Variants in SEC14L4 observed in about 807,000 individuals in gnomAD.
The protein encoded by SEC14L4 is SEC14-like protein 4.
A neutral mutation model predicts 55.1 loss-of-function variants in SEC14L4; 42 were observed. The observed-to-expected ratio is 0.76, with a 90% CI of 0.60 to 0.99. The LOEUF is 0.99. SEC14L4 is among the 50% of genes least tolerant of loss of function. The probability of loss-of-function intolerance (pLI) is 0.00; values close to 1 mark genes in which losing one functional copy is unlikely to be tolerated. For missense variants in SEC14L4, 445 were observed against 512.1 expected, an observed-to-expected ratio of 0.87 and a Z score of 1.27; for synonymous variants, 206 against 206.8, an observed-to-expected ratio of 1.00 and a Z score of 0.03.
intron 11 of SEC14L4, 177 bp downstream of exon 11, chr22:30,491,396 C>T: frequency 1.5e-6 from 1 of 685,176 alleles, no homozygotes; most frequent in South Asian, 1.9e-5. Context: ...TCTTCCCCCA[C>T]AATGAATCTC....
chr22:30,493,478 C>T (rs895315763), intron 7 of SEC14L4, among the ~76,000 whole-genome samples: 4 of 152,172 alleles, frequency 2.6e-5, no homozygotes, highest in Non-Finnish European at 5.9e-5. Context: ...AGATTTGAAC[C>T]AGATCCTCTG....
At chr22:30,504,571 T>C (rs566825761) in intron 1 of SEC14L4, among the ~76,000 whole-genome samples, 6 of 152,306 alleles carry the variant, frequency 3.9e-5, no homozygotes, top group African/African-American at 1.4e-4. Context: ...TTAGCAGGCT[T>C]GGCTCCGAGC....
rs1936110291 is a variant in SEC14L4 at position 30,495,380 on chromosome 22, G to A, written c.297C>T (p.Tyr99=). The A allele has an allele frequency of 3.1e-6, 5 of 1,613,946 alleles. No homozygotes were observed. Among genetic ancestry groups the A allele is most frequent in the Non-Finnish European group, 8.5e-7 (1 of 1,180,004 alleles). ...GGTCGAGGGACCCAATGATGTTGAA[G>A]TACACAGGGCAGCCTTCGTAGTCGT... The part of the protein sequence containing the change: ...CGYDYEGCPV[Y]FNIIGSLDPK... Residue 99 remains tyrosine (Y), a synonymous_variant, in exon 5 of 12, where the codon TAC becomes TAT. Coordinates refer to ENST00000255858, the MANE Select transcript of SEC14L4 (RefSeq NM_174977.4).
At position 30,495,235 on chromosome 22, in the gene SEC14L4, C is replaced by G. The variant is rs749183198; in HGVS notation, c.423+19G>C. On this transcript the variant is annotated intron_variant, in intron 5 of 11. Transcript: ENST00000255858. ...CACCCTGTAGACAGATGAGGCCCAG[C>G]CCCACCCCCGCTGCTCACCTTCTGA... The G allele has an allele frequency of 9.5e-6, 15 of 1,583,636 alleles. No individual in the cohort carries two copies. The highest frequency in any genetic ancestry group is 1.0e-5 in the Non-Finnish European group (12 of 1,165,880).
intron 7 of SEC14L4, among the ~76,000 whole-genome samples, chr22:30,493,923 G>T (rs1191445768): frequency 1.8e-4 from 27 of 152,186 alleles, no homozygotes; most frequent in Admixed American, 1.8e-3. Flanking sequence ...AGAATTGCTT[G>T]AACCCAGGAG....
chr22:30,494,168 T>C lies in SEC14L4; in HGVS notation c.562A>G (p.Asn188Asp), dbSNP rs759526206. The stretch of plus-strand genomic sequence containing the variant: ...GGCTTACCTCGAATAACAATTAAAT[T>C]CTTCAGGGTCTCAGGATAATTTGCT... Reference protein sequence around the residue: ...LEANYPETLKNLIVIRAPKLF... With the variant: ...LEANYPETLKDLIVIRAPKLF... The change falls in exon 7 of 12, where the codon AAT becomes GAT. Residue 188 changes from asparagine to aspartate, a missense_variant. Physicochemically the swap from Asn to Asp is conservative, Grantham distance 23. Transcript: ENST00000255858. The C allele has an allele frequency of 1.2e-6, 2 of 1,613,672 alleles. No individual in the cohort carries two copies. The highest frequency in any genetic ancestry group is 2.2e-5 in the South Asian group (2 of 91,062).
Position 30,491,723 on chromosome 22 carries a change from C to T in SEC14L4, c.931G>A (p.Gly311Ser), listed in dbSNP as rs1233721216. The T allele has an allele frequency of 1.9e-6, 3 of 1,614,184 alleles. No individual in the cohort carries two copies. The highest frequency in any genetic ancestry group is 3.3e-5 in the Admixed American group (2 of 60,022). Residue 311 changes from glycine (G) to serine (S), a missense_variant, in exon 11 of 12, where the codon GGT becomes AGT. Physicochemically the swap from Gly to Ser is moderately conservative, Grantham distance 56. Coordinates refer to ENST00000255858, the MANE Select transcript of SEC14L4 (RefSeq NM_174977.4). ...CVLRWQFASD[G>S]GDIGFGVFLK... ...AAAACCCCAAAGCCGATGTCCCCAC[C>T]ATCTGAAGCAAACTGCCACCTGCAG...
Position 30,491,945 on chromosome 22 carries a change from C to T in SEC14L4, c.800G>A (p.Ser267Asn), listed in dbSNP as rs775330340. The change falls in exon 10 of 12, where the codon AGC becomes AAC. Residue 267 changes from serine (S) to asparagine (N), a missense_variant. Coordinates refer to ENST00000255858, the MANE Select transcript of SEC14L4 (RefSeq NM_174977.4). ...KINYGGEVPK[S>N]YYLCEQVRLQ... ...CCTCACCTGCTCGCACAGGTAGTAGCTCTTGGGCACCTCACCCCCATAGTT... is the reference window on the plus strand; with the variant it reads ...CCTCACCTGCTCGCACAGGTAGTAGTTCTTGGGCACCTCACCCCCATAGTT... 5.6e-6 allele frequency: 9 copies of T among 1,614,012 alleles called. No individual in the cohort carries two copies. In the Admixed American group the frequency reaches 1.3e-4, roughly 24 times the overall value.
In SEC14L4 at chr22:30,502,289, C is replaced by A. The variant is rs75091431; in HGVS notation, c.130+1388G>T. ...ATCTGCGACCTCATTTGACTCACAG[C>A]GCCCTGAAGGTAGGGACCAGTATTA... On this transcript the variant is annotated intron_variant, in intron 2 of 11. Transcript: ENST00000255858. Among the ~76,000 whole-genome samples, 1,261 of 152,286 alleles carry A rather than the reference C, an allele frequency of 8.3e-3. 7 individuals carry two copies. The highest frequency in any genetic ancestry group is 0.012 in the Non-Finnish European group (848 of 68,022).
chr22:30,492,246 T>C (rs1935987778), intron 8 of SEC14L4, 91 bp from the exon 9 acceptor site: 2 of 1,483,152 alleles, frequency 1.3e-6, no homozygotes, highest in African/African-American at 2.8e-5. Context: ...ACCTGATATG[T>C]CCTGGGCGTG....
At chr22:30,503,421 A>C (rs1807514) in intron 2 of SEC14L4, among the ~76,000 whole-genome samples, 41,760 of 151,802 alleles carry the variant, frequency 0.28, 6,008 homozygotes, top group African/African-American at 0.34. Flanking sequence ...TGTGCCACCA[A>C]GCCAGCTAAT....
chr22:30,491,878 G>A lies in SEC14L4; in HGVS notation c.867C>T (p.Ser289=), dbSNP rs776334854. Residue 289 remains serine (S), a synonymous_variant, in exon 10 of 12, where the codon TCC becomes TCT. Coordinates refer to ENST00000255858, the MANE Select transcript of SEC14L4 (RefSeq NM_174977.4). ...ACAGGATCTCGTTCTCCACCTGCAGGGAGGAGCCGCGGCCCACGGACCTCG... is the reference window on the plus strand; with the variant it reads ...ACAGGATCTCGTTCTCCACCTGCAGAGAGGAGCCGCGGCCCACGGACCTCG... The part of the protein sequence containing the change: ...EHTRSVGRGS[S]LQVENEILFP... 1 of 1,612,992 alleles carries A rather than the reference G, an allele frequency of 6.2e-7. No homozygotes were observed. Among genetic ancestry groups the A allele is most frequent in the Non-Finnish European group, 8.5e-7 (1 of 1,179,788 alleles).
At chr22:30,491,332 G>A (rs1424156384) in intron 11 of SEC14L4, 36 of 570,314 alleles carry the variant, frequency 6.3e-5, no homozygotes, top group Middle Eastern at 4.7e-4. Context: ...CAGTGATCCC[G>A]GTATAGGGGC....
rs1935944332 is a variant in SEC14L4 at position 30,491,356 on chromosome 22, A to T, written c.1081+217T>A. On this transcript the variant is annotated intron_variant, in intron 11 of 11. Coordinates refer to ENST00000255858, the MANE Select transcript of SEC14L4 (RefSeq NM_174977.4). Reference sequence around the variant, plus strand: ...CGGTATAGGGGCTTCTTAGGAGCTGAGCCCAAGGCCCTAGGTTCTGAATAC... The same window carrying T: ...CGGTATAGGGGCTTCTTAGGAGCTGTGCCCAAGGCCCTAGGTTCTGAATAC... 1.0e-5 allele frequency: 6 copies of T among 602,630 alleles called. No homozygotes were observed. In the South Asian group the frequency reaches 1.3e-4, roughly 13 times the overall value. The allele number at this position is 602,630 out of a possible 1,614,324, so 37.3% of individuals were successfully genotyped here.
intron 4 of SEC14L4, 63 bp downstream of exon 4, chr22:30,495,520 T>G (rs367850372): frequency 6.2e-7 from 1 of 1,608,532 alleles, no homozygotes; most frequent in African/African-American, 1.3e-5. Flanking sequence ...CTGGACGTGG[T>G]AGGTGGGAGA....
chr22:30,497,559 C>T (rs1601851026), intron 2 of SEC14L4, among the ~76,000 whole-genome samples: 1 of 151,624 alleles, frequency 6.6e-6, no homozygotes, highest in Admixed American at 6.6e-5. Flanking sequence ...CCCAATGCAA[C>T]AGCTCAGCCT....
At position 30,495,582 on chromosome 22, in the gene SEC14L4, C is replaced by T. The variant is rs373563659; in HGVS notation, c.234+1G>A. The T allele has an allele frequency of 1.9e-6, 3 of 1,613,958 alleles. No individual in the cohort carries two copies. The highest frequency in any genetic ancestry group is 1.1e-5 in the South Asian group (1 of 91,078). ...CCTGGGGGATGCTGCTCGAGGCTCA[C>T]CTCAGGGGGCTGCCATGTGACAATG... On this transcript the variant is annotated splice_donor_variant, in intron 4 of 11. Coordinates refer to ENST00000255858, the MANE Select transcript of SEC14L4 (RefSeq NM_174977.4). LOFTEE classifies it high-confidence loss of function.
At chr22:30,491,384 G>A in intron 11 of SEC14L4, 189 bp downstream of exon 11, 1 of 658,378 alleles carries the variant, frequency 1.5e-6, no homozygotes. Flanking sequence ...CTGAATACCA[G>A]CTCTTCCCCC....
chr22:30,505,257 G>A (rs1012718946), intron 1 of SEC14L4, among the ~76,000 whole-genome samples: 12 of 151,606 alleles, frequency 7.9e-5, no homozygotes, highest in Non-Finnish European at 1.3e-4. Flanking sequence ...GGCTGCCCCC[G>A]CAGCCGGATG....
Sources: allele counts gnomAD v4.1 joint callset (sites outside exome capture counted in the v4.1 genomes callset), GRCh38; gene constraint gnomAD v4.1.1; transcripts MANE v1.5; gene names NCBI Gene and HGNC (gene_info 2026-07-23, HGNC 2026-07-21).